The following TMCC1 variants were observed in gnomAD, a reference collection of about 807,000 sequenced individuals.
TMCC1 encodes transmembrane and coiled-coil domains protein 1.
Under a neutral mutation model 52.4 loss-of-function variants are expected in TMCC1, and 15 were observed. The observed-to-expected ratio is 0.29, with a 90% CI of 0.19 to 0.44. The LOEUF is 0.44. Among genes scored for constraint, TMCC1 ranks in the 20% least tolerant of loss-of-function variants. TMCC1 has a pLI of 1.00. For missense variants in TMCC1, 503 were observed against 806.0 expected, an observed-to-expected ratio of 0.62 and a Z score of 4.55; for synonymous variants, 279 against 301.9, an observed-to-expected ratio of 0.92 and a Z score of 0.79.
At chr3:129,857,749 G>A (rs1032558280) in intron 2 of TMCC1, among the ~76,000 whole-genome samples, 2 of 151,784 alleles carry the variant, frequency 1.3e-5, no homozygotes, top group Non-Finnish European at 2.9e-5. Flanking sequence ...TTTTTTAGTA[G>A]AGACAGGGTT....
chr3:129,885,490 CAGG>C (rs1344475721), intron 1 of TMCC1, among the ~76,000 whole-genome samples: 1 of 151,874 alleles, frequency 6.6e-6, no homozygotes, highest in Non-Finnish European at 1.5e-5. Flanking sequence ...GAGGCTGAGG[CAGG>C]AGAATTGCTT....
At chr3:129,757,295 T>C (rs1460080980) in intron 4 of TMCC1, among the ~76,000 whole-genome samples, 1 of 152,132 alleles carries the variant, frequency 6.6e-6, no homozygotes, top group Non-Finnish European at 1.5e-5. Flanking sequence ...CTTACTCCCC[T>C]ATCCTCTGGT....
chr3:129,672,698 A>G lies in TMCC1; in HGVS notation c.577-1434T>C, dbSNP rs377373820. ...TCTTAGGGTAATAAAAATCCCCAGTATAAGTGCCAAATTACAATCCTTTTC... is the reference window on the plus strand; with the variant it reads ...TCTTAGGGTAATAAAAATCCCCAGTGTAAGTGCCAAATTACAATCCTTTTC... On this transcript the variant is annotated intron_variant, in intron 4 of 6. Coordinates refer to ENST00000393238, the MANE Select transcript of TMCC1 (RefSeq NM_001017395.5). Among the ~76,000 whole-genome samples, 18 of 152,340 alleles carry G rather than the reference A, an allele frequency of 1.2e-4. No homozygotes were observed. In the East Asian group the frequency reaches 3.3e-3, roughly 28 times the overall value.
intron 2 of TMCC1, chr3:129,857,194 T>C (rs1026852625): frequency 6.6e-6 from 1 of 152,302 alleles, no homozygotes; most frequent in African/African-American, 2.4e-5. Flanking sequence ...AATGCTGGGA[T>C]TACAGGCATG....
intron 4 of TMCC1, among the ~76,000 whole-genome samples, chr3:129,772,718 G>A (rs1226096077): frequency 1.0e-4 from 7 of 70,016 alleles, no homozygotes; most frequent in African/African-American, 3.1e-4. Flanking sequence ...GCAAGACTCC[G>A]CCTCAAAAAA....
intron 2 of TMCC1, chr3:129,847,097 CA>C (rs1429541006): frequency 3.3e-5 from 5 of 151,950 alleles, no homozygotes. Flanking sequence ...TTACTGTAAT[CA>C]GATGTAGCCA....
At position 129,664,221 on chromosome 3, in the gene TMCC1, C is replaced by T. The variant is rs1041963263; in HGVS notation, c.1511+6109G>A. On this transcript the variant is annotated intron_variant, in intron 5 of 6. Transcript: ENST00000393238. ...TATTGTCCAAATCTAGCCTACATAT[C>T]GTCTGGAGATTCTCAGATCACTTTT... is the stretch of plus-strand genomic sequence containing the variant. Among the ~76,000 whole-genome samples the T allele has an allele frequency of 7.2e-5, 11 of 152,288 alleles. No homozygotes were observed. In the South Asian group the frequency reaches 1.2e-3, roughly 17 times the overall value.
In TMCC1 at chr3:129,759,069, G is replaced by A. The variant is rs144571227; in HGVS notation, c.576+68734C>T. ...TTGTTTATCCATTTGTCTACCAGCA[G>A]ATATCTGGATGGCTTCCACCTGTCA... is the stretch of plus-strand genomic sequence containing the variant. On this transcript the variant is annotated intron_variant, in intron 4 of 6. Coordinates refer to ENST00000393238, the MANE Select transcript of TMCC1 (RefSeq NM_001017395.5). Among the ~76,000 whole-genome samples, 7 of 152,260 alleles carry A rather than the reference G, an allele frequency of 4.6e-5. No homozygotes were observed. In the East Asian group the frequency reaches 1.3e-3, roughly 29 times the overall value.
intron 2 of TMCC1, among the ~76,000 whole-genome samples, chr3:129,864,981 C>T (rs2060555596): frequency 6.6e-6 from 1 of 152,188 alleles, no homozygotes; most frequent in Non-Finnish European, 1.5e-5. Flanking sequence ...CGTCCAGGCA[C>T]TACATTGGAC....
intron 3 of TMCC1, among the ~76,000 whole-genome samples, chr3:129,830,775 C>T (rs2058870799): frequency 6.6e-6 from 1 of 152,092 alleles, no homozygotes; most frequent in South Asian, 2.1e-4. Flanking sequence ...TGCAAAGGTA[C>T]TAGGAATTTA....
rs763121382 is a variant in TMCC1 at position 129,648,670 on chromosome 3, A to G, written c.*2811T>C. On this transcript the variant is annotated 3_prime_UTR_variant, in exon 7 of 7. Coordinates refer to ENST00000393238, the MANE Select transcript of TMCC1 (RefSeq NM_001017395.5). ...ACCAGGAATGTTTCATTTTAAAGGG[A>G]ATGAATACAGTTTTCTTTTCTTTTT... The G allele has an allele frequency of 5.5e-5, 8 of 146,712 alleles. No individual in the cohort carries two copies. The highest frequency in any genetic ancestry group is 7.5e-5 in the Non-Finnish European group (5 of 66,246). 9.1% of individuals were successfully genotyped at this position (146,712 alleles called of 1,614,324 possible).
chr3:129,720,701 T>A (rs900473173), intron 4 of TMCC1, among the ~76,000 whole-genome samples: 3 of 152,012 alleles, frequency 2.0e-5, no homozygotes, highest in African/African-American at 7.2e-5. Context: ...AGCTAATATT[T>A]TTATTATTTT....
intron 4 of TMCC1, among the ~76,000 whole-genome samples, chr3:129,771,852 T>C (rs1400661330): frequency 6.8e-6 from 1 of 148,038 alleles, no homozygotes. Flanking sequence ...GAATTTGGAA[T>C]TTGGGAAAGC....
chr3:129,694,342 A>G (rs2047239812), intron 4 of TMCC1, among the ~76,000 whole-genome samples: 1 of 152,240 alleles, frequency 6.6e-6, no homozygotes, highest in African/African-American at 2.4e-5. Context: ...CCCCTGTATG[A>G]CTAACTAGCA....
intron 4 of TMCC1, among the ~76,000 whole-genome samples, chr3:129,722,676 A>G (rs1166419447): frequency 6.6e-6 from 1 of 152,162 alleles, no homozygotes; most frequent in African/African-American, 2.4e-5. Flanking sequence ...TCCACCCACT[A>G]TTCCTTTAGG....
At position 129,828,513 on chromosome 3, in the gene TMCC1, T is replaced by C. The variant is rs2058755835; in HGVS notation, c.-130-5A>G. On this transcript the variant is annotated splice_polypyrimidine_tract_variant and splice_region_variant and intron_variant, in intron 3 of 6. Transcript: ENST00000393238. The surrounding 1 kb of genome is among the most constrained non-coding windows in gnomAD (Gnocchi z 4.1). ...AGACGAAGGCTTCATGCCTATCTAA[T>C]GTTAAAAACAAAAAAACAAAAAAAC... The C allele has an allele frequency of 5.1e-6, 4 of 780,014 alleles. No homozygotes were observed. The highest frequency in any genetic ancestry group is 8.0e-6 in the Non-Finnish European group (4 of 500,852). 48.3% of individuals were successfully genotyped at this position (780,014 alleles called of 1,614,324 possible).
At chr3:129,662,539 G>A (rs1023998628) in intron 5 of TMCC1, among the ~76,000 whole-genome samples, 1 of 152,122 alleles carries the variant, frequency 6.6e-6, no homozygotes, top group African/African-American at 2.4e-5. Flanking sequence ...CTTGGAAGCT[G>A]AGGCACGACA....
intron 4 of TMCC1, among the ~76,000 whole-genome samples, chr3:129,726,210 G>A (rs903677976): frequency 4.6e-5 from 7 of 152,038 alleles, no homozygotes; most frequent in African/African-American, 7.2e-5. Context: ...CCTCAATGTC[G>A]GAGACAAAAT....
intron 4 of TMCC1, among the ~76,000 whole-genome samples, chr3:129,761,907 CTT>C (rs1279411277): frequency 6.9e-6 from 1 of 144,412 alleles, no homozygotes; most frequent in Non-Finnish European, 1.5e-5. Flanking sequence ...AGGAGAATCT[CTT>C]GAACCTGGGA....
Sources: allele counts gnomAD v4.1 joint callset (sites outside exome capture counted in the v4.1 genomes callset), GRCh38; gene constraint gnomAD v4.1.1; non-coding constraint Gnocchi (gnomAD v3.1); transcripts MANE v1.5; gene names NCBI Gene and HGNC (gene_info 2026-07-23, HGNC 2026-07-21).